Variants in IQCK observed in about 807,000 individuals in gnomAD.
The protein encoded by IQCK is IQ domain-containing protein K.
IQCK carries 29 observed loss-of-function variants against 28.1 expected under a neutral mutation model. The ratio of observed to expected loss-of-function variants is 1.03; its 90% CI spans 0.77 to 1.41. The LOEUF is 1.41. Ranked by LOEUF, IQCK falls within the 40% of genes most tolerant of loss-of-function variation. The pLI is 0.00. For synonymous variants in IQCK, 113 were observed against 115.1 expected (o/e 0.98, Z 0.12); for missense variants, 359 against 314.7 (o/e 1.14, Z -1.07).
chr16:19,744,418 A>G (rs748092818), intron 4 of IQCK, among the ~76,000 whole-genome samples: 1 of 152,202 alleles, frequency 6.6e-6, no homozygotes, highest in Non-Finnish European at 1.5e-5. Context: ...GGGATAAGCC[A>G]GTGCACCTGG....
intron 9 of IQCK, among the ~76,000 whole-genome samples, chr16:19,837,331 G>T (rs1487470807): frequency 6.6e-6 from 1 of 152,072 alleles, no homozygotes; most frequent in East Asian, 1.9e-4. Context: ...GTCTTGGGAG[G>T]TCGAGGCTTC....
intron 1 of IQCK, 119 bp downstream of exon 1, chr16:19,718,606 C>T: frequency 1.1e-6 from 1 of 930,836 alleles, no homozygotes; most frequent in Middle Eastern, 3.6e-4. Context: ...GCAGCGGCTC[C>T]GCGGGCCCGG....
chr16:19,847,705 T>C (rs1157895543), intron 9 of IQCK, among the ~76,000 whole-genome samples: 2 of 152,358 alleles, frequency 1.3e-5, no homozygotes, highest in Middle Eastern at 3.4e-3. Flanking sequence ...TTCCTTTGTA[T>C]GATTATCGTC....
chr16:19,754,637 CTTTT>C (rs11295871), intron 4 of IQCK, among the ~76,000 whole-genome samples: 2 of 149,416 alleles, frequency 1.3e-5, no homozygotes, highest in African/African-American at 4.9e-5. Flanking sequence ...TTTTCTCTTT[CTTTT>C]TTTTTTCTTT....
chr16:19,735,455 G>A lies in IQCK; in HGVS notation c.474+5G>A, dbSNP rs778916237. 1 of 1,591,934 alleles carries A rather than the reference G, an allele frequency of 6.3e-7. No individual in the cohort carries two copies. Among genetic ancestry groups the A allele is most frequent in the African/African-American group, 1.3e-5 (1 of 74,476 alleles). On this transcript the variant is annotated splice_donor_5th_base_variant and intron_variant, in intron 4 of 7. Coordinates refer to ENST00000564186, the Ensembl canonical transcript of IQCK. Reference sequence around the variant, plus strand: ...AAGAAAGAAAAATGTTTTGAGGTCAGTTGTTTGGCAGGATTTCTTTATTTT... The same window carrying A: ...AAGAAAGAAAAATGTTTTGAGGTCAATTGTTTGGCAGGATTTCTTTATTTT...
intron 4 of IQCK, chr16:19,761,285 ATAC>A: frequency 2.3e-6 from 1 of 425,878 alleles, no homozygotes; most frequent in South Asian, 1.7e-5. Context: ...TTTTGGGGTG[ATAC>A]AATTCAACCC....
At chr16:19,856,054 A>G (rs907921685) in intron 9 of IQCK, among the ~76,000 whole-genome samples, 9 of 152,020 alleles carry the variant, frequency 5.9e-5, no homozygotes, top group Non-Finnish European at 1.3e-4. Flanking sequence ...GACATAAGAG[A>G]AAAGATTTTC....
Position 19,753,116 on chromosome 16 carries a change from A to G in IQCK, c.475-10732A>G, listed in dbSNP as rs150864476. Among the ~76,000 whole-genome samples the G allele has an allele frequency of 5.4e-3, 822 of 152,058 alleles. 9 individuals are homozygous for G. The highest frequency in any genetic ancestry group is 9.3e-3 in the Non-Finnish European group (634 of 67,966). On this transcript the variant is annotated intron_variant, in intron 4 of 7. Transcript: ENST00000564186. ...TCTCTAATTGAGCCAACTCGGGTCA[A>G]TTGTCTGAGTAATTTGGGCTGGGCA...
chr16:19,742,251 G>T (rs530860728), intron 4 of IQCK, among the ~76,000 whole-genome samples: 1 of 152,288 alleles, frequency 6.6e-6, no homozygotes, highest in Non-Finnish European at 1.5e-5. Flanking sequence ...TTGCCAGGAA[G>T]TTCAGTATTT....
intron 7 of IQCK, among the ~76,000 whole-genome samples, chr16:19,794,834 T>A (rs1388837092): frequency 1.3e-5 from 1 of 78,014 alleles, no homozygotes; most frequent in East Asian, 3.3e-4. Flanking sequence ...AAAAAAAAAA[T>A]GTGGTACGTT....
intron 9 of IQCK, among the ~76,000 whole-genome samples, chr16:19,847,913 C>CA (rs1567201843): frequency 6.6e-6 from 1 of 152,222 alleles, no homozygotes; most frequent in Non-Finnish European, 1.5e-5. Context: ...AGCCATCCTC[C>CA]AGCCTTGGCC....
At position 19,760,946 on chromosome 16, in the gene IQCK, A is replaced by G. The variant is rs9938359; in HGVS notation, c.475-2902A>G. On this transcript the variant is annotated intron_variant, in intron 4 of 7. Transcript: ENST00000564186. Reference sequence around the variant, plus strand: ...TCTAGGGTAACTTTCTGATGTTGCCATGGCATTTGTAAACTGTCATGGTGC... The same window carrying G: ...TCTAGGGTAACTTTCTGATGTTGCCGTGGCATTTGTAAACTGTCATGGTGC... Among the ~76,000 whole-genome samples the G allele has an allele frequency of 9.4e-3, 1,426 of 152,304 alleles. 22 individuals carry two copies. Among genetic ancestry groups the G allele is most frequent in the African/African-American group, 0.033 (1,380 of 41,548 alleles).
At chr16:19,778,664 A>G (rs2151724618) in intron 6 of IQCK, among the ~76,000 whole-genome samples, 1 of 152,264 alleles carries the variant, frequency 6.6e-6, no homozygotes, top group East Asian at 1.9e-4. Context: ...CTCAAAAAAA[A>G]ATAAAAATAA....
intron 4 of IQCK, among the ~76,000 whole-genome samples, chr16:19,762,602 C>CT (rs2055164145): frequency 6.6e-6 from 1 of 152,184 alleles, no homozygotes; most frequent in Admixed American, 6.5e-5. Flanking sequence ...CGTATTTCAT[C>CT]TAACACAAGC....
chr16:19,718,286 G>A (rs1640663409), exon 1 of IQCK: 5 of 1,592,288 alleles, frequency 3.1e-6, no homozygotes, highest in Admixed American at 1.7e-5. Flanking sequence ...GGCGAACGCG[G>A]TTACCGTGGA....
Position 19,753,154 on chromosome 16 carries a change from C to T in IQCK, c.475-10694C>T, listed in dbSNP as rs555453928. 1.3e-4 allele frequency among the ~76,000 whole-genome samples: 20 copies of T among 152,070 alleles called. No homozygotes were observed. The South Asian group carries it at 4.2e-3, about 32-fold the overall frequency. On this transcript the variant is annotated intron_variant, in intron 4 of 7. Transcript: ENST00000564186. The stretch of plus-strand genomic sequence containing the variant: ...TTTGGGCTGGGCATAGTGTCTCATG[C>T]CTGTAATCCCAGACATTTCGAGATG...
chr16:19,803,154 G>GT (rs926354686), intron 7 of IQCK, among the ~76,000 whole-genome samples: 2 of 151,804 alleles, frequency 1.3e-5, no homozygotes, highest in African/African-American at 4.8e-5. Context: ...TTGTTTTTTT[G>GT]TTTTTTGAGA....
At chr16:19,782,149 A>T (rs1382980036) in intron 6 of IQCK, among the ~76,000 whole-genome samples, 1 of 152,184 alleles carries the variant, frequency 6.6e-6, no homozygotes, top group Non-Finnish European at 1.5e-5. Flanking sequence ...GATTTACAGC[A>T]TGTGCCGTCT....
intron 7 of IQCK, among the ~76,000 whole-genome samples, chr16:19,803,194 G>C (rs1394034740): frequency 6.6e-6 from 1 of 152,140 alleles, no homozygotes; most frequent in Non-Finnish European, 1.5e-5. Flanking sequence ...CCAGGCTGGA[G>C]TGCAGTGGAA....
Sources: gnomAD v4.1 joint callset for allele counts (sites outside exome capture counted in the v4.1 genomes callset) on GRCh38, gnomAD v4.1.1 for gene constraint, MANE v1.5 for transcripts, NCBI Gene and HGNC (gene_info 2026-07-23, HGNC 2026-07-21) for gene names.